NCKAP5: variants seen among roughly 807,000 people sequenced by gnomAD.
NCKAP5 encodes the protein nck-associated protein 5.
In NCKAP5, 92 loss-of-function variants were observed where a neutral mutation model predicts 167.0. That is an observed-to-expected ratio of 0.55 (90% CI 0.47 to 0.66). The LOEUF (loss-of-function observed/expected upper bound fraction) is 0.66. Among genes scored for constraint, NCKAP5 ranks in the 30% least tolerant of loss-of-function variants. The pLI is 0.00. For synonymous variants in NCKAP5, 891 were observed against 877.4 expected (o/e 1.02, Z -0.27); for missense variants, 2,378 against 2,315.0 (o/e 1.03, Z -0.56).
chr2:133,229,145 T>C (rs900373280), intron 4 of NCKAP5, among the ~76,000 whole-genome samples: 5 of 152,018 alleles, frequency 3.3e-5, no homozygotes, highest in African/African-American at 7.2e-5. Context: ...AGGAAAGCAA[T>C]TGGTGGGCAA....
intron 6 of NCKAP5, among the ~76,000 whole-genome samples, chr2:133,097,268 G>A (rs1216344147): frequency 1.3e-5 from 2 of 152,116 alleles, no homozygotes; most frequent in African/African-American, 4.8e-5. Context: ...TCTACTTCTG[G>A]ATGCTAAAGT....
At chr2:133,469,558 A>C (rs376564431) in intron 3 of NCKAP5, among the ~76,000 whole-genome samples, 2 of 151,456 alleles carry the variant, frequency 1.3e-5, no homozygotes, top group Non-Finnish European at 2.9e-5. Context: ...ATGTTGGCCT[A>C]CCTTGCTAGA....
At chr2:132,763,316 G>T (rs17325495) in intron 16 of NCKAP5, among the ~76,000 whole-genome samples, 17,994 of 152,138 alleles carry the variant, frequency 0.12, 1,355 homozygotes, top group East Asian at 0.17. Context: ...ATCTTCTCCT[G>T]TGCTCTAGCT....
chr2:133,534,406 T>C (rs1259293098), intron 2 of NCKAP5, among the ~76,000 whole-genome samples: 1 of 152,116 alleles, frequency 6.6e-6, no homozygotes, highest in Non-Finnish European at 1.5e-5. Context: ...GAATTCAGAG[T>C]TGTACCACTA....
intron 3 of NCKAP5, among the ~76,000 whole-genome samples, chr2:133,470,652 T>A (rs151012776): frequency 4.6e-5 from 7 of 152,140 alleles, no homozygotes; most frequent in Admixed American, 6.5e-5. Flanking sequence ...GCTGTGCTAG[T>A]AATCAGCGAG....
chr2:132,947,595 T>C (rs1697848913), intron 8 of NCKAP5, among the ~76,000 whole-genome samples: 1 of 152,170 alleles, frequency 6.6e-6, no homozygotes, highest in African/African-American at 2.4e-5. Flanking sequence ...CCTTTCTATT[T>C]GTATGTGAAA....
At chr2:133,673,782 T>C in the NCKAP5 span, among the ~76,000 whole-genome samples, 3 of 152,318 alleles carry the variant, frequency 2.0e-5, no homozygotes, top group Admixed American at 2.0e-4. Context: ...ATAAAGCACA[T>C]TTAACTGAGC....
chr2:133,180,195 C>G (rs1425231378), intron 5 of NCKAP5, among the ~76,000 whole-genome samples: 1 of 152,010 alleles, frequency 6.6e-6, no homozygotes, highest in Non-Finnish European at 1.5e-5. Flanking sequence ...GAATGCCAAT[C>G]CCAGAATCCT....
At chr2:133,458,814 C>G (rs551771161) in intron 3 of NCKAP5, among the ~76,000 whole-genome samples, 1 of 152,194 alleles carries the variant, frequency 6.6e-6, no homozygotes, top group Admixed American at 6.5e-5. Context: ...AAGCCACAGT[C>G]TGTTTAAATT....
chr2:132,864,993 G>A (rs531564795), intron 10 of NCKAP5, among the ~76,000 whole-genome samples: 14 of 152,184 alleles, frequency 9.2e-5, no homozygotes, highest in Non-Finnish European at 1.3e-4. Flanking sequence ...TTCATGGGAT[G>A]TCTTTTCGAG....
chr2:133,249,643 C>T (rs1397222967), intron 4 of NCKAP5, among the ~76,000 whole-genome samples: 2 of 152,180 alleles, frequency 1.3e-5, no homozygotes, highest in African/African-American at 4.8e-5. Context: ...TGAGGACCTC[C>T]TATGTGCCAG....
intron 4 of NCKAP5, among the ~76,000 whole-genome samples, chr2:133,277,247 T>C (rs2089766547): frequency 6.6e-6 from 1 of 152,156 alleles, no homozygotes; most frequent in Admixed American, 6.5e-5. Flanking sequence ...AAACTGTATT[T>C]GTAGATGACA....
the NCKAP5 span, among the ~76,000 whole-genome samples, chr2:133,581,872 A>T: frequency 6.6e-6 from 1 of 152,238 alleles, no homozygotes; most frequent in Non-Finnish European, 1.5e-5. Context: ...GTTAGCTAGA[A>T]ATATTCCTTT....
At chr2:132,820,841 A>G (rs1686675769) in intron 11 of NCKAP5, among the ~76,000 whole-genome samples, 1 of 152,230 alleles carries the variant, frequency 6.6e-6, no homozygotes, top group Non-Finnish European at 1.5e-5. Context: ...AAATCCAGAG[A>G]TAGGTTGTCA....
chr2:133,366,611 T>A (rs1685474710), intron 3 of NCKAP5, among the ~76,000 whole-genome samples: 1 of 152,178 alleles, frequency 6.6e-6, no homozygotes, highest in African/African-American at 2.4e-5. Flanking sequence ...CTTAAAAAAA[T>A]ATTTGAATCA....
the NCKAP5 span, among the ~76,000 whole-genome samples, chr2:133,662,593 C>A: frequency 1.4e-5 from 2 of 145,542 alleles, no homozygotes; most frequent in Non-Finnish European, 3.0e-5. Flanking sequence ...GATCACAATA[C>A]CATTAGGTTG....
intron 4 of NCKAP5, among the ~76,000 whole-genome samples, chr2:133,225,107 G>A (rs970707689): frequency 2.0e-5 from 3 of 152,054 alleles, no homozygotes; most frequent in Non-Finnish European, 4.4e-5. Context: ...TTTGTGTTAT[G>A]TCTGACAATT....
chr2:133,282,479 G>A (rs1352420315), intron 4 of NCKAP5, among the ~76,000 whole-genome samples: 2 of 152,118 alleles, frequency 1.3e-5, no homozygotes, highest in Non-Finnish European at 2.9e-5. Flanking sequence ...CATTAGCAGA[G>A]CAATGATTTA....
At chr2:133,370,754 G>A (rs534734092) in intron 3 of NCKAP5, among the ~76,000 whole-genome samples, 7 of 148,484 alleles carry the variant, frequency 4.7e-5, no homozygotes, top group African/African-American at 1.7e-4. Flanking sequence ...CATCAAAATA[G>A]ATTTGTTCTT....
Sources: allele counts gnomAD v4.1 joint callset (sites outside exome capture counted in the v4.1 genomes callset), GRCh38; gene constraint gnomAD v4.1.1; transcripts MANE v1.5; gene names NCBI Gene and HGNC (gene_info 2026-07-23, HGNC 2026-07-21).